The following CELF2 variants were observed in gnomAD, a reference collection of about 807,000 sequenced individuals.
The protein encoded by CELF2 is CUGBP Elav-like family member 2.
In CELF2, 8 loss-of-function variants were observed where a neutral mutation model predicts 62.6. The observed-to-expected ratio is 0.13, with a 90% CI of 0.07 to 0.23. The LOEUF is 0.23. Among genes scored for constraint, CELF2 ranks in the 10% least tolerant of loss-of-function variants. The pLI is 1.00. For synonymous variants in CELF2, 258 were observed against 250.0 expected (o/e 1.03, Z -0.30); for missense variants, 333 against 671.0 (o/e 0.50, Z 5.56).
At chr10:11,036,794 T>C (rs1264128626) in intron 1 of CELF2, among the ~76,000 whole-genome samples, 1 of 152,208 alleles carries the variant, frequency 6.6e-6, no homozygotes, top group Non-Finnish European at 1.5e-5. Context: ...CAGTATGGCC[T>C]GGGTGTTGGT....
At chr10:11,065,845 C>G (rs2067992740) in intron 1 of CELF2, among the ~76,000 whole-genome samples, 2 of 152,010 alleles carry the variant, frequency 1.3e-5, no homozygotes, top group African/African-American at 2.4e-5. Context: ...TTGGAGGGCC[C>G]GGGGAGGGTT....
chr10:11,327,037 AGGCAT>A (rs1416036324), intron 12 of CELF2, among the ~76,000 whole-genome samples: 1 of 152,210 alleles, frequency 6.6e-6, no homozygotes, highest in East Asian at 1.9e-4. Flanking sequence ...GAAGGTCTGA[AGGCAT>A]GGTTAAAGGA....
intron 1 of CELF2, among the ~76,000 whole-genome samples, chr10:11,101,946 C>G (rs533554452): frequency 6.6e-6 from 1 of 152,288 alleles, no homozygotes; most frequent in South Asian, 2.1e-4. Context: ...AAGCATCAAA[C>G]TCCCATAATA....
intron 2 of CELF2, among the ~76,000 whole-genome samples, chr10:10,953,945 G>C (rs1326055818): frequency 6.6e-6 from 1 of 151,902 alleles, no homozygotes; most frequent in Non-Finnish European, 1.5e-5. Context: ...AATAGAGAAA[G>C]AGGCAAAGGG....
chr10:10,691,267 TG>T, the CELF2 span, among the ~76,000 whole-genome samples: 3 of 151,748 alleles, frequency 2.0e-5, no homozygotes, highest in African/African-American at 4.8e-5. Flanking sequence ...TTTGGTTTTT[TG>T]TTCTTGCGAT....
At chr10:10,512,401 C>CTTTTT in the CELF2 span, among the ~76,000 whole-genome samples, 19 of 109,138 alleles carry the variant, frequency 1.7e-4, 1 homozygote, top group Non-Finnish European at 2.0e-4. Flanking sequence ...TTTTGGAACG[C>CTTTTT]TTTTTTTTTT....
intron 1 of CELF2, among the ~76,000 whole-genome samples, chr10:10,820,148 C>T (rs1469237875): frequency 2.6e-5 from 4 of 152,126 alleles, no homozygotes; most frequent in African/African-American, 4.8e-5. Flanking sequence ...AAGTGCCTTT[C>T]GCCTCCCGCC....
chr10:11,305,660 C>G lies in CELF2; in HGVS notation c.977-8479C>G, dbSNP rs1445893527. 6.6e-6 allele frequency among the ~76,000 whole-genome samples: 1 copy of G among 152,194 alleles called. No individual in the cohort carries two copies. Among genetic ancestry groups the G allele is most frequent in the Non-Finnish European group, 1.5e-5 (1 of 68,038 alleles). On this transcript the variant is annotated intron_variant, in intron 9 of 12. Coordinates refer to ENST00000633077, the MANE Select transcript of CELF2 (RefSeq NM_001326342.2). The surrounding 1 kb of genome is among the most constrained non-coding windows in gnomAD (Gnocchi z 4.8). ...GCACCTAATGACCTAGGCACTCGGT[C>G]TCTGACCTACAGTGTTAACCTAAGA...
upstream of CELF2, among the ~76,000 whole-genome samples, chr10:10,793,525 T>C (rs1370480852): frequency 6.6e-6 from 1 of 152,132 alleles, no homozygotes; most frequent in Non-Finnish European, 1.5e-5. Context: ...AAAATAAATA[T>C]AATACAGACA....
intron 1 of CELF2, among the ~76,000 whole-genome samples, chr10:10,823,575 C>T (rs986813951): frequency 3.1e-5 from 3 of 96,046 alleles, no homozygotes; most frequent in African/African-American, 4.6e-5. Context: ...TGCATGTTTT[C>T]TTATGCACAA....
chr10:10,541,203 A>G, the CELF2 span, among the ~76,000 whole-genome samples: 1 of 144,580 alleles, frequency 6.9e-6, no homozygotes, highest in Non-Finnish European at 1.5e-5. Flanking sequence ...AGATCATGCC[A>G]CTGCACTCCA....
chr10:10,504,268 C>A, the CELF2 span, among the ~76,000 whole-genome samples: 1 of 152,046 alleles, frequency 6.6e-6, no homozygotes, highest in Non-Finnish European at 1.5e-5. Context: ...CTGCATGTGA[C>A]AAATTCTCTT....
the CELF2 span, among the ~76,000 whole-genome samples, chr10:10,608,607 C>G: frequency 0.015 from 2,344 of 152,074 alleles, 97 homozygotes; most frequent in Admixed American, 0.078. Flanking sequence ...AGGCGAGGGA[C>G]AAAGATATGG....
At chr10:10,532,903 AG>A in the CELF2 span, among the ~76,000 whole-genome samples, 1 of 142,200 alleles carries the variant, frequency 7.0e-6, no homozygotes, top group African/African-American at 2.5e-5. Flanking sequence ...AAAAAAAAAT[AG>A]AGAGCAACCC....
At chr10:10,927,503 C>G (rs1188352225) in intron 2 of CELF2, among the ~76,000 whole-genome samples, 2 of 152,068 alleles carry the variant, frequency 1.3e-5, no homozygotes, top group Non-Finnish European at 2.9e-5. Flanking sequence ...TCATAGCACA[C>G]TGCAGCCTCG....
chr10:11,236,680 A>G (rs148262251), intron 3 of CELF2, among the ~76,000 whole-genome samples: 70 of 152,378 alleles, frequency 4.6e-4, no homozygotes, highest in African/African-American at 1.7e-3. Context: ...AACGGTCACT[A>G]TTAACCCATG....
chr10:10,771,974 C>T, the CELF2 span, among the ~76,000 whole-genome samples: 2 of 152,138 alleles, frequency 1.3e-5, no homozygotes, highest in East Asian at 3.9e-4. Flanking sequence ...CATCAACCTG[C>T]TATTTGTTTC....
chr10:10,880,362 T>A (rs1296487736), intron 1 of CELF2, among the ~76,000 whole-genome samples: 1 of 152,144 alleles, frequency 6.6e-6, no homozygotes, highest in African/African-American at 2.4e-5. Context: ...AAAAGATAAA[T>A]GTACCATGAT....
chr10:10,974,073 C>A (rs2051065001), intron 2 of CELF2, among the ~76,000 whole-genome samples: 1 of 152,186 alleles, frequency 6.6e-6, no homozygotes, highest in African/African-American at 2.4e-5. Flanking sequence ...AGCTCTCCCA[C>A]TTTAGTTAGG....
Sources: gnomAD v4.1 joint callset for allele counts (sites outside exome capture counted in the v4.1 genomes callset) on GRCh38, gnomAD v4.1.1 for gene constraint, Gnocchi (gnomAD v3.1) non-coding constraint, MANE v1.5 for transcripts, NCBI Gene and HGNC (gene_info 2026-07-23, HGNC 2026-07-21) for gene names.